VPS13D: variants seen among roughly 807,000 people sequenced by gnomAD.
VPS13D encodes intermembrane lipid transfer protein VPS13D.
In VPS13D, 187 loss-of-function variants were observed where a neutral mutation model predicts 461.9. The ratio of observed to expected loss-of-function variants is 0.40; its 90% CI spans 0.36 to 0.46. The LOEUF (loss-of-function observed/expected upper bound fraction) is 0.46. Ranked by LOEUF, VPS13D falls within the 20% of genes least tolerant of loss-of-function variation. The pLI is 0.60. For missense variants in VPS13D, 4,711 were observed against 5,364.9 expected (o/e 0.88, Z 3.81); for synonymous variants, 1,951 against 1,986.3 (o/e 0.98, Z 0.47).
At chr1:12,497,268 C>A in intron 67 of VPS13D, 1 of 331,696 alleles carries the variant, frequency 3.0e-6, no homozygotes, top group Non-Finnish European at 5.4e-6. Context: ...GGAAGGTAAC[C>A]AACTTATCCA....
intron 3 of VPS13D, among the ~76,000 whole-genome samples, chr1:12,242,862 A>G (rs1640423259): frequency 6.6e-6 from 1 of 152,188 alleles, no homozygotes; most frequent in South Asian, 2.1e-4. Flanking sequence ...TAAGCACTCC[A>G]GGTGATTCTT....
At chr1:12,422,711 A>T (rs1158039468) in intron 65 of VPS13D, among the ~76,000 whole-genome samples, 1 of 152,136 alleles carries the variant, frequency 6.6e-6, no homozygotes, top group Non-Finnish European at 1.5e-5. Context: ...GAGACCCTTT[A>T]TATACATTGT....
rs762040044 is a variant in VPS13D, at chr1:12,335,723, A to G, written c.8447A>G (p.Lys2816Arg). Reference sequence around the variant, plus strand: ...TTTCTAGACCAGTATGTAAGTACCAAGGAATCGTGGATGGCAGATTACTGT... The same window carrying G: ...TTTCTAGACCAGTATGTAAGTACCAGGGAATCGTGGATGGCAGATTACTGT... ...SVLIDQYVST[K>R]ESWMADYCKD... Residue 2816 changes from lysine (K) to arginine (R), a missense_variant, in exon 39 of 70, where the codon AAG becomes AGG. By Grantham distance (26) the Lys-to-Arg change is conservative. Coordinates refer to ENST00000620676, the MANE Select transcript of VPS13D (RefSeq NM_015378.4). The G allele has an allele frequency of 3.7e-6, 6 of 1,613,966 alleles. No homozygotes were observed. Among genetic ancestry groups the G allele is most frequent in the Non-Finnish European group, 5.1e-6 (6 of 1,179,922 alleles).
At chr1:12,318,413 C>G (rs1164711872) in intron 31 of VPS13D, 76 bp downstream of exon 31, 1 of 1,513,300 alleles carries the variant, frequency 6.6e-7, no homozygotes, top group East Asian at 2.3e-5. Context: ...AGGATGATTG[C>G]TCTTTTGCCT....
At chr1:12,241,127 G>A (rs1640341160) in intron 2 of VPS13D, among the ~76,000 whole-genome samples, 1 of 151,956 alleles carries the variant, frequency 6.6e-6, no homozygotes, top group Non-Finnish European at 1.5e-5. Flanking sequence ...ATTTATTGTA[G>A]AGTTGGGGTC....
intron 24 of VPS13D, among the ~76,000 whole-genome samples, chr1:12,298,307 C>T (rs774915185): frequency 3.2e-4 from 49 of 152,140 alleles, no homozygotes; most frequent in Admixed American, 7.8e-4. Context: ...GTATTATGGC[C>T]GAGGCATACT....
At chr1:12,329,323 C>T (rs978820095) in intron 36 of VPS13D, among the ~76,000 whole-genome samples, 2 of 152,150 alleles carry the variant, frequency 1.3e-5, no homozygotes, top group African/African-American at 4.8e-5. Context: ...AAGCAATTCT[C>T]CTGCCTCAGC....
rs1557754761 is a variant in VPS13D, at chr1:12,396,022, TA to T, written c.11635-4158del. ...ATATATATATATATATATATATATATATATATAGTTCTTTAAGATCAATAAA... is the reference window on the plus strand; with the variant it reads ...ATATATATATATATATATATATATATTATATAGTTCTTTAAGATCAATAAA... On this transcript the variant is annotated intron_variant, in intron 60 of 69. Transcript: ENST00000620676. 2.4e-4 allele frequency among the ~76,000 whole-genome samples: 33 copies of T among 138,270 alleles called. 2 individuals are homozygous for T. The highest frequency in any genetic ancestry group is 6.8e-4 in the African/African-American group (24 of 35,512). The allele number at this position is 138,270 out of a possible 152,430, so 90.7% of individuals were successfully genotyped here. A position where few individuals can be genotyped will look rare whatever the true frequency, so the allele number is the denominator to read the frequency against.
chr1:12,413,663 G>A (rs1161954087), intron 63 of VPS13D, among the ~76,000 whole-genome samples: 4 of 152,130 alleles, frequency 2.6e-5, no homozygotes, highest in African/African-American at 4.8e-5. Flanking sequence ...GTAGAGACAA[G>A]GTCTTACTTC....
chr1:12,397,471 G>A (rs1035201292), intron 60 of VPS13D, among the ~76,000 whole-genome samples: 1 of 152,186 alleles, frequency 6.6e-6, no homozygotes, highest in Non-Finnish European at 1.5e-5. Context: ...AAGAACAAAG[G>A]AGAAGACAAT....
chr1:12,437,796 A>G (rs543728057), intron 65 of VPS13D, among the ~76,000 whole-genome samples: 1 of 152,146 alleles, frequency 6.6e-6, no homozygotes, highest in African/African-American at 2.4e-5. Context: ...GGCTAGGTAG[A>G]TTTCCTGTGG....
At position 12,242,957 on chromosome 1, in the gene VPS13D, TC is replaced by T. The variant is rs1364024819; in HGVS notation, c.175+368del. Among the ~76,000 whole-genome samples the T allele has an allele frequency of 1.3e-3, 201 of 151,888 alleles. 4 individuals carry two copies. The highest frequency in any genetic ancestry group is 4.7e-3 in the African/African-American group (195 of 41,402). ...TTCCCTTTTTCTTTTTCTTTTCTTT[TC>T]TTTTTTTTTTTTCAGATGGAGTCTC... is the stretch of plus-strand genomic sequence containing the variant. On this transcript the variant is annotated intron_variant, in intron 3 of 69. Coordinates refer to ENST00000620676, the MANE Select transcript of VPS13D (RefSeq NM_015378.4).
Position 12,480,591 on chromosome 1 carries a change from G to C in VPS13D, c.12663-16909G>C, listed in dbSNP as rs547466940. Among the ~76,000 whole-genome samples, 8 of 152,294 alleles carry C rather than the reference G, an allele frequency of 5.3e-5. No individual in the cohort carries two copies. In the South Asian group the frequency reaches 1.4e-3, roughly 28 times the overall value. On this transcript the variant is annotated intron_variant, in intron 67 of 69. Transcript: ENST00000620676. The stretch of plus-strand genomic sequence containing the variant: ...TAATCCTGAAGTTCAGCAAACGTTG[G>C]TACTGGCTGACTTTTAATGGAGTAC...
intron 37 of VPS13D, among the ~76,000 whole-genome samples, chr1:12,332,654 A>G (rs1643360235): frequency 6.6e-6 from 1 of 152,178 alleles, no homozygotes; most frequent in African/African-American, 2.4e-5. Context: ...GGGGAATGAG[A>G]TGGTAGGGAA....
intron 20 of VPS13D, among the ~76,000 whole-genome samples, chr1:12,280,122 T>C (rs1641734134): frequency 6.6e-6 from 1 of 152,232 alleles, no homozygotes; most frequent in Admixed American, 6.5e-5. Flanking sequence ...CATGCATGTA[T>C]GTATACACCT....
chr1:12,388,119 C>T (rs1340238235), intron 60 of VPS13D, among the ~76,000 whole-genome samples: 1 of 152,086 alleles, frequency 6.6e-6, no homozygotes, highest in Non-Finnish European at 1.5e-5. Context: ...TCAACAATAG[C>T]ATAAAGGCTG....
intron 2 of VPS13D, among the ~76,000 whole-genome samples, chr1:12,238,920 A>G (rs1640255199): frequency 6.6e-6 from 1 of 152,068 alleles, no homozygotes; most frequent in Admixed American, 6.6e-5. Context: ...GGCATGAGCC[A>G]CCATGCCCGT....
At position 12,356,024 on chromosome 1, in the gene VPS13D, G is replaced by A; in HGVS notation, c.9805G>A (p.Val3269Met). 1 of 1,614,104 alleles carries A rather than the reference G, an allele frequency of 6.2e-7. No individual in the cohort carries two copies. Among genetic ancestry groups the A allele is most frequent in the Non-Finnish European group, 8.5e-7 (1 of 1,179,986 alleles). The change falls in exon 48 of 70, where the codon GTG (valine) becomes ATG (methionine). Residue 3269 changes from valine (V) to methionine (M), a missense_variant. Around this residue, in one of 3 missense-constraint regions of VPS13D, gnomAD observed 4,411 missense variants for 4,937.8 expected, o/e 0.89. Transcript: ENST00000620676. ...RRQLNLTIRI[V>M]CRAEGSLKIF... ...GCAGCTGAACCTCACCATCCGGATT[G>A]TGTGTCGAGCAGAAGGATCCTTAAA...
At chr1:12,396,743 T>C (rs1644504176) in intron 60 of VPS13D, among the ~76,000 whole-genome samples, 1 of 152,194 alleles carries the variant, frequency 6.6e-6, no homozygotes. Flanking sequence ...TCTTTTATTA[T>C]ATATCACGAA....
Sources: gnomAD v4.1 joint callset for allele counts (sites outside exome capture counted in the v4.1 genomes callset) on GRCh38, gnomAD v4.1.1 for gene constraint, gnomAD v4.1.1 regional missense constraint, MANE v1.5 for transcripts, NCBI Gene and HGNC (gene_info 2026-07-23, HGNC 2026-07-21) for gene names.